The following SNTB1 variants were observed in gnomAD, a reference collection of about 807,000 sequenced individuals.
SNTB1 encodes syntrophin beta 1, also known as beta-1-syntrophin.
Under a neutral mutation model 48.9 loss-of-function variants are expected in SNTB1, and 36 were observed. That is an observed-to-expected ratio of 0.74 (90% CI 0.56 to 0.97). SNTB1 has a LOEUF of 0.97. Ranked by LOEUF, SNTB1 falls within the 50% of genes least tolerant of loss-of-function variation. The probability of loss-of-function intolerance (pLI) is 0.00; values close to 1 mark genes in which losing one functional copy is unlikely to be tolerated. For missense variants in SNTB1, 786 were observed against 703.4 expected, an observed-to-expected ratio of 1.12 and a Z score of -1.33; for synonymous variants, 299 against 294.6, an observed-to-expected ratio of 1.01 and a Z score of -0.15.
intron 1 of SNTB1, among the ~76,000 whole-genome samples, chr8:120,810,383 G>C (rs1480576066): frequency 1.3e-5 from 2 of 152,130 alleles, no homozygotes; most frequent in Non-Finnish European, 2.9e-5. Context: ...AGTGCAAAAC[G>C]GTGGTTCCTA....
chr8:120,542,174 T>C (rs376061031), intron 5 of SNTB1, 174 bp from the exon 6 acceptor site: 10 of 580,826 alleles, frequency 1.7e-5, no homozygotes, highest in African/African-American at 9.4e-5. Flanking sequence ...ATTTTGGTGT[T>C]GTAATTTTAA....
At chr8:120,581,300 T>C (rs1020453384) in intron 3 of SNTB1, among the ~76,000 whole-genome samples, 4 of 152,088 alleles carry the variant, frequency 2.6e-5, no homozygotes, top group African/African-American at 7.2e-5. Context: ...GAATTCAAGA[T>C]TGGTGTCAAG....
chr8:120,592,408 C>T (rs945586106), intron 3 of SNTB1, among the ~76,000 whole-genome samples: 1 of 151,832 alleles, frequency 6.6e-6, no homozygotes, highest in East Asian at 1.9e-4. Flanking sequence ...AGGCTGGTCT[C>T]GAACTCCTGG....
At chr8:120,781,740 C>T (rs1819833272) in intron 1 of SNTB1, among the ~76,000 whole-genome samples, 1 of 152,098 alleles carries the variant, frequency 6.6e-6, no homozygotes, top group Non-Finnish European at 1.5e-5. Context: ...TCTATAGGTC[C>T]TCCTGGAAAA....
chr8:120,685,035 G>T (rs542337728), intron 2 of SNTB1, among the ~76,000 whole-genome samples: 3 of 152,360 alleles, frequency 2.0e-5, no homozygotes, highest in South Asian at 4.1e-4. Flanking sequence ...TGGGGGTTGG[G>T]CTCCCCAGGC....
chr8:120,607,092 T>C (rs1816535357), intron 3 of SNTB1, among the ~76,000 whole-genome samples: 1 of 152,136 alleles, frequency 6.6e-6, no homozygotes, highest in African/African-American at 2.4e-5. Flanking sequence ...ACAGAATTAG[T>C]ATACAGAAAT....
chr8:120,566,996 G>A (rs1815760511), intron 4 of SNTB1, among the ~76,000 whole-genome samples: 1 of 152,200 alleles, frequency 6.6e-6, no homozygotes, highest in Non-Finnish European at 1.5e-5. Flanking sequence ...ATAAGGACAT[G>A]CTCTTAGGAA....
intron 2 of SNTB1, among the ~76,000 whole-genome samples, chr8:120,647,101 C>G (rs1179819377): frequency 7.2e-6 from 1 of 139,164 alleles, no homozygotes; most frequent in Non-Finnish European, 1.6e-5. Context: ...TTTTGTTGAT[C>G]CTTTCAAAAA....
In SNTB1 at chr8:120,773,061, T is replaced by C. The variant is rs112719516; in HGVS notation, c.571+38212A>G. ...AATTAAAAATAAACAAATGAAATAA[T>C]TTAAGAACTGAAAAAAAAGCCCACT... On this transcript the variant is annotated intron_variant, in intron 1 of 6. Coordinates refer to ENST00000517992, the MANE Select transcript of SNTB1 (RefSeq NM_021021.4). Among the ~76,000 whole-genome samples the C allele has an allele frequency of 2.8e-3, 431 of 152,090 alleles. 8 individuals are homozygous for C. The highest frequency in any genetic ancestry group is 9.8e-3 in the African/African-American group (406 of 41,482).
chr8:120,559,497 T>C (rs1815618268), intron 4 of SNTB1, among the ~76,000 whole-genome samples: 2 of 152,230 alleles, frequency 1.3e-5, no homozygotes, highest in South Asian at 4.1e-4. Flanking sequence ...TTAAACTGGC[T>C]GCATGATAGG....
intron 1 of SNTB1, among the ~76,000 whole-genome samples, chr8:120,694,665 A>C (rs1183567729): frequency 6.6e-6 from 1 of 151,772 alleles, no homozygotes; most frequent in Non-Finnish European, 1.5e-5. Context: ...GTGGGGATAA[A>C]AGGAGAAAGC....
intron 1 of SNTB1, among the ~76,000 whole-genome samples, chr8:120,803,998 C>T (rs1391018908): frequency 6.6e-6 from 1 of 152,156 alleles, no homozygotes; most frequent in East Asian, 1.9e-4. Flanking sequence ...TCTTTAAAGA[C>T]TGGCTTAAAT....
intron 3 of SNTB1, among the ~76,000 whole-genome samples, chr8:120,630,890 A>G (rs1816968745): frequency 6.6e-6 from 1 of 152,236 alleles, no homozygotes. Context: ...CAAAGAAAAC[A>G]TAAGCCTGGA....
At position 120,649,959 on chromosome 8, in the gene SNTB1, A is replaced by T. The variant is rs569784130; in HGVS notation, c.789-17308T>A. Reference sequence around the variant, plus strand: ...GTGCTGTCCATCACCCCTTTCTTTGACTCAGAAAGGGAACTCCCTGACCCC... The same window carrying T: ...GTGCTGTCCATCACCCCTTTCTTTGTCTCAGAAAGGGAACTCCCTGACCCC... On this transcript the variant is annotated intron_variant, in intron 2 of 6. Coordinates refer to ENST00000517992, the MANE Select transcript of SNTB1 (RefSeq NM_021021.4). Among the ~76,000 whole-genome samples the T allele has an allele frequency of 8.5e-5, 13 of 152,108 alleles. No individual in the cohort carries two copies. In the South Asian group the frequency reaches 2.7e-3, roughly 32 times the overall value.
intron 3 of SNTB1, among the ~76,000 whole-genome samples, chr8:120,598,417 A>AACAACCTT (rs772271453): frequency 6.6e-6 from 1 of 152,126 alleles, no homozygotes; most frequent in Non-Finnish European, 1.5e-5. Context: ...ACTTTCTCCA[A>AACAACCTT]ACAACCTTCT....
intron 1 of SNTB1, among the ~76,000 whole-genome samples, chr8:120,720,249 C>A (rs1818636258): frequency 6.6e-6 from 1 of 152,258 alleles, no homozygotes; most frequent in East Asian, 1.9e-4. Flanking sequence ...TGTCCTCTCC[C>A]TCCAGCTCCC....
chr8:120,595,992 T>C (rs76811564), intron 3 of SNTB1, among the ~76,000 whole-genome samples: 5,199 of 152,292 alleles, frequency 0.034, 322 homozygotes, highest in African/African-American at 0.12. Flanking sequence ...ACTTTCTTGA[T>C]CAATATGTTG....
intron 3 of SNTB1, among the ~76,000 whole-genome samples, chr8:120,629,876 A>C (rs1816951092): frequency 6.6e-6 from 1 of 152,242 alleles, no homozygotes; most frequent in Non-Finnish European, 1.5e-5. Context: ...AAAAACAGGA[A>C]GAGCTTTATA....
At chr8:120,619,906 G>A (rs918042788) in intron 3 of SNTB1, among the ~76,000 whole-genome samples, 2 of 152,160 alleles carry the variant, frequency 1.3e-5, no homozygotes, top group Non-Finnish European at 2.9e-5. Context: ...AAAGCCAAAC[G>A]ATGGTGTTGA....
Sources: allele counts gnomAD v4.1 joint callset (sites outside exome capture counted in the v4.1 genomes callset), GRCh38; gene constraint gnomAD v4.1.1; transcripts MANE v1.5; gene names NCBI Gene and HGNC (gene_info 2026-07-23, HGNC 2026-07-21).